SLC24A2: variants seen among roughly 807,000 people sequenced by gnomAD.
The protein encoded by SLC24A2 is solute carrier family 24 member 2, also known as sodium/potassium/calcium exchanger 2.
SLC24A2 carries 36 observed loss-of-function variants against 62.0 expected under a neutral mutation model. The observed-to-expected ratio is 0.58, with a 90% CI of 0.44 to 0.77. The LOEUF (loss-of-function observed/expected upper bound fraction) is 0.77. SLC24A2 is among the 30% of genes least tolerant of loss of function. The probability of loss-of-function intolerance (pLI) is 0.00; values close to 1 mark genes in which losing one functional copy is unlikely to be tolerated. For missense variants in SLC24A2, 846 were observed against 817.9 expected (o/e 1.03, Z -0.42); for synonymous variants, 358 against 294.0 (o/e 1.22, Z -2.23).
At chr9:20,045,622 G>A in the SLC24A2 span, among the ~76,000 whole-genome samples, 74 of 151,992 alleles carry the variant, frequency 4.9e-4, no homozygotes, top group African/African-American at 1.6e-3. Flanking sequence ...TAGTAGAGGC[G>A]GGGTTTCACT....
intron 2 of SLC24A2, among the ~76,000 whole-genome samples, chr9:19,760,432 TA>T (rs1822283555): frequency 6.6e-6 from 1 of 152,268 alleles, no homozygotes; most frequent in Admixed American, 6.5e-5. Flanking sequence ...GTTTGTTACA[TA>T]GGTATACATG....
the SLC24A2 span, among the ~76,000 whole-genome samples, chr9:19,875,441 A>C: frequency 7.2e-5 from 11 of 152,224 alleles, no homozygotes; most frequent in African/African-American, 2.7e-4. Context: ...CATACCGATG[A>C]GGACAGCAAT....
At chr9:20,221,967 G>C in the SLC24A2 span, among the ~76,000 whole-genome samples, 1 of 151,974 alleles carries the variant, frequency 6.6e-6, no homozygotes, top group Non-Finnish European at 1.5e-5. Flanking sequence ...AAATGAAACA[G>C]TGAGAACAGA....
chr9:20,236,402 A>C, the SLC24A2 span, among the ~76,000 whole-genome samples: 1 of 152,302 alleles, frequency 6.6e-6, no homozygotes. Flanking sequence ...GATTTCCAAG[A>C]ATTGTTGTGT....
the SLC24A2 span, among the ~76,000 whole-genome samples, chr9:20,214,745 G>C: frequency 6.6e-6 from 1 of 152,048 alleles, no homozygotes; most frequent in African/African-American, 2.4e-5. Context: ...TAAATTCCAA[G>C]CACTACAAGT....
the SLC24A2 span, among the ~76,000 whole-genome samples, chr9:20,225,036 A>C: frequency 6.6e-6 from 1 of 152,034 alleles, no homozygotes; most frequent in African/African-American, 2.4e-5. Flanking sequence ...CCTCAGAGGA[A>C]ACCACATCTT....
chr9:19,814,939 G>C, the SLC24A2 span, among the ~76,000 whole-genome samples: 1 of 152,122 alleles, frequency 6.6e-6, no homozygotes, highest in Non-Finnish European at 1.5e-5. Context: ...CCTTATGTTA[G>C]GTTTGGAAAA....
chr9:19,630,953 G>A (rs1818162220), intron 2 of SLC24A2, among the ~76,000 whole-genome samples: 1 of 152,128 alleles, frequency 6.6e-6, no homozygotes. Context: ...TTATAAAAGT[G>A]GGACGCAGCA....
At chr9:20,047,078 C>T in the SLC24A2 span, among the ~76,000 whole-genome samples, 1 of 152,040 alleles carries the variant, frequency 6.6e-6, no homozygotes, top group East Asian at 1.9e-4. Flanking sequence ...CCGGGTTCAG[C>T]AATAGCCTAT....
chr9:19,518,684 T>G (rs561597335), intron 10 of SLC24A2, among the ~76,000 whole-genome samples: 2 of 152,292 alleles, frequency 1.3e-5, no homozygotes, highest in East Asian at 3.9e-4. Flanking sequence ...CCTCCCAAAG[T>G]GCTGGGATTA....
At chr9:20,096,983 T>C in the SLC24A2 span, among the ~76,000 whole-genome samples, 4 of 152,260 alleles carry the variant, frequency 2.6e-5, no homozygotes, top group African/African-American at 9.6e-5. Flanking sequence ...GACTTTCACC[T>C]AGTTCAAACT....
chr9:19,583,508 T>C (rs1286019312), intron 5 of SLC24A2, among the ~76,000 whole-genome samples: 1 of 152,234 alleles, frequency 6.6e-6, no homozygotes, highest in Non-Finnish European at 1.5e-5. Context: ...CTGGTTTTGT[T>C]CACTGGTATA....
At chr9:20,264,017 G>T in the SLC24A2 span, among the ~76,000 whole-genome samples, 1 of 152,152 alleles carries the variant, frequency 6.6e-6, no homozygotes, top group South Asian at 2.1e-4. Flanking sequence ...GGAATAATTA[G>T]CTCTTGACAA....
At chr9:20,304,300 G>A in the SLC24A2 span, among the ~76,000 whole-genome samples, 12 of 152,082 alleles carry the variant, frequency 7.9e-5, no homozygotes, top group East Asian at 1.5e-3. Context: ...CCCCGGGAGC[G>A]GATTCTGCAA....
At chr9:19,631,974 C>A (rs1289269587) in intron 2 of SLC24A2, among the ~76,000 whole-genome samples, 2 of 152,096 alleles carry the variant, frequency 1.3e-5, no homozygotes, top group Non-Finnish European at 2.9e-5. Flanking sequence ...AATAGGCCCA[C>A]CATGCAGTGA....
the SLC24A2 span, among the ~76,000 whole-genome samples, chr9:20,223,665 A>C: frequency 6.6e-6 from 1 of 152,282 alleles, no homozygotes; most frequent in Non-Finnish European, 1.5e-5. Flanking sequence ...AAGACCTAAA[A>C]ACAGGCCAGT....
At chr9:19,971,152 G>A in the SLC24A2 span, among the ~76,000 whole-genome samples, 1 of 152,156 alleles carries the variant, frequency 6.6e-6, no homozygotes, top group South Asian at 2.1e-4. Flanking sequence ...GCACAGAGTA[G>A]AGCAAAAGTC....
intron 8 of SLC24A2, among the ~76,000 whole-genome samples, chr9:19,533,853 T>C (rs192854946): frequency 3.9e-4 from 60 of 152,350 alleles, no homozygotes; most frequent in South Asian, 1.9e-3. Flanking sequence ...CTAAGCATGA[T>C]CACTTACTGG....
the SLC24A2 span, among the ~76,000 whole-genome samples, chr9:19,963,917 C>T: frequency 2.0e-5 from 3 of 152,064 alleles, no homozygotes; most frequent in African/African-American, 7.2e-5. Flanking sequence ...GACACATGCA[C>T]ACGTATGTTT....
Sources: gnomAD v4.1 joint callset for allele counts (sites outside exome capture counted in the v4.1 genomes callset) on GRCh38, gnomAD v4.1.1 for gene constraint, MANE v1.5 for transcripts, NCBI Gene and HGNC (gene_info 2026-07-23, HGNC 2026-07-21) for gene names.